The following CREBBP variants were observed in gnomAD, a reference collection of about 807,000 sequenced individuals.
The protein encoded by CREBBP is CREB binding lysine acetyltransferase, also known as CREB-binding protein.
In CREBBP, 19 loss-of-function variants were observed where a neutral mutation model predicts 265.0. The ratio of observed to expected loss-of-function variants is 0.07; its 90% CI spans 0.05 to 0.11. The LOEUF is 0.11. CREBBP is among the 10% of genes least tolerant of loss of function. CREBBP has a pLI of 1.00. For synonymous variants in CREBBP, 1,457 were observed against 1,223.7 expected (o/e 1.19, Z -3.98); for missense variants, 2,525 against 3,219.0 (o/e 0.78, Z 5.22).
chr16:3,807,975 G>A lies in CREBBP; in HGVS notation c.975+2628C>T, dbSNP rs575051238. Among the ~76,000 whole-genome samples, 5 of 152,280 alleles carry A rather than the reference G, an allele frequency of 3.3e-5. No homozygotes were observed. In the South Asian group the frequency reaches 1.0e-3, roughly 32 times the overall value. On this transcript the variant is annotated intron_variant, in intron 3 of 30. Coordinates refer to ENST00000262367, the MANE Select transcript of CREBBP (RefSeq NM_004380.3). ...ACCCCCAACAGGCATTTGTGGATCT[G>A]TCTCAAAGTCCACAGGGGTTCTTGT...
Position 3,770,851 on chromosome 16 carries a change from G to A in CREBBP, c.2599C>T (p.Pro867Ser), listed in dbSNP as rs2141203018. Residue 867 changes from proline (P) to serine (S), a missense_variant, in exon 14 of 31, where the codon CCA becomes TCA. Coordinates refer to ENST00000262367, the MANE Select transcript of CREBBP (RefSeq NM_004380.3). ...PPPASTAAGM[P>S]SLQHTTPPGM... Reference sequence around the variant, plus strand: ...GGTGGTGTCGTGTGCTGGAGAGATGGCATGCCAGCAGCCGTGGAAGCAGGA... The same window carrying A: ...GGTGGTGTCGTGTGCTGGAGAGATGACATGCCAGCAGCCGTGGAAGCAGGA... The A allele has an allele frequency of 6.2e-7, 1 of 1,613,976 alleles. No homozygotes were observed.
chr16:3,876,225 A>T (rs182379985), intron 1 of CREBBP, among the ~76,000 whole-genome samples: 34 of 152,052 alleles, frequency 2.2e-4, no homozygotes, highest in Admixed American at 2.0e-3. Context: ...TTTTTTGTTT[A>T]GATGGGGTCT....
chr16:3,849,480 TGTGTGTGTGA>T (rs2054777645), intron 2 of CREBBP, among the ~76,000 whole-genome samples: 4 of 122,476 alleles, frequency 3.3e-5, no homozygotes, highest in Admixed American at 9.1e-5. Flanking sequence ...TGTGTGTGTG[TGTGTGTGTGA>T]TGTGCGTGAC....
At chr16:3,758,168 CA>C in intron 17 of CREBBP, 120 bp from the exon 18 acceptor site, 1 of 1,034,816 alleles carries the variant, frequency 9.7e-7, no homozygotes, top group Non-Finnish European at 1.4e-6. Context: ...CTTCCATTCC[CA>C]ACAGTAAGAA....
At chr16:3,776,891 G>A (rs1422810104) in intron 11 of CREBBP, among the ~76,000 whole-genome samples, 1 of 152,006 alleles carries the variant, frequency 6.6e-6, no homozygotes, top group African/African-American at 2.4e-5. Context: ...GGTGGCAGGT[G>A]CCTGTAGTCT....
chr16:3,745,812 C>CA (rs1380824734), intron 21 of CREBBP, among the ~76,000 whole-genome samples: 1 of 152,200 alleles, frequency 6.6e-6, no homozygotes, highest in African/African-American at 2.4e-5. Flanking sequence ...TAATGGGAAA[C>CA]ACGGCCAGTT....
At chr16:3,762,586 C>T (rs891204352) in intron 16 of CREBBP, among the ~76,000 whole-genome samples, 1 of 152,088 alleles carries the variant, frequency 6.6e-6, no homozygotes, top group Non-Finnish European at 1.5e-5. Context: ...CCGCTCCCCT[C>T]CTCTGGCCCG....
chr16:3,846,195 G>T (rs1172581203), intron 2 of CREBBP, among the ~76,000 whole-genome samples: 2 of 152,066 alleles, frequency 1.3e-5, no homozygotes, highest in African/African-American at 2.4e-5. Context: ...AGAGACAAAT[G>T]GACAAAGATT....
rs548138952 is a variant in CREBBP, at chr16:3,733,259, G to A, written c.4729-1322C>T. On this transcript the variant is annotated intron_variant, in intron 28 of 30. Coordinates refer to ENST00000262367, the MANE Select transcript of CREBBP (RefSeq NM_004380.3). ...TGCCTGCAGTCCCACCTACTCGGGA[G>A]GCTGAGGCAGGAGAATGGTGTGAAC... Among the ~76,000 whole-genome samples the A allele has an allele frequency of 3.9e-5, 6 of 151,932 alleles. No homozygotes were observed. In the South Asian group the frequency reaches 6.2e-4, roughly 16 times the overall value.
Position 3,739,606 on chromosome 16 carries a change from C to T in CREBBP, c.4252G>A (p.Gly1418Ser), listed in dbSNP as rs369991761. 39 of 1,614,074 alleles carry T rather than the reference C, an allele frequency of 2.4e-5. No individual in the cohort carries two copies. The highest frequency in any genetic ancestry group is 6.7e-5 in the East Asian group (3 of 44,900). Residue 1418 changes from glycine (G) to serine (S), a missense_variant, in exon 25 of 31, where the codon GGC (glycine) becomes AGC (serine). This residue lies in a region of CREBBP where 252 missense variants were observed against 452.5 expected (regional missense o/e 0.56). Transcript: ENST00000262367. ...CFFGMHVQEYGSDCPPPNTRR... is the reference protein window; with the variant it reads ...CFFGMHVQEYSSDCPPPNTRR... ...GTGTTTGGAGGGGGGCAATCAGAGC[C>T]GTATTCTTGGACGTGCATTCCAAAA...
At position 3,737,773 on chromosome 16, in the gene CREBBP, C is replaced by T. The variant is rs2052103666; in HGVS notation, c.4394+786G>A. On this transcript the variant is annotated intron_variant, in intron 26 of 30. Coordinates refer to ENST00000262367, the MANE Select transcript of CREBBP (RefSeq NM_004380.3). ...TGAGCCAATTTTTTTTTGTATTTTT[C>T]TTTTTTTCTTTTCTTTCTTTTTTCT... 1.3e-5 allele frequency among the ~76,000 whole-genome samples: 2 copies of T among 150,472 alleles called. 1 individual carries two copies. Among genetic ancestry groups the T allele is most frequent in the South Asian group, 4.2e-4 (2 of 4,758 alleles).
Position 3,791,919 on chromosome 16 carries a change from A to G in CREBBP, c.1330+62T>C, listed in dbSNP as rs1858083286. 15 of 1,421,708 alleles carry G rather than the reference A, an allele frequency of 1.1e-5. No homozygotes were observed. In the South Asian group the frequency reaches 1.7e-4, roughly 16 times the overall value. 88.1% of individuals were successfully genotyped at this position (1,421,708 alleles called of 1,614,324 possible). On this transcript the variant is annotated intron_variant, in intron 5 of 30. Coordinates refer to ENST00000262367, the MANE Select transcript of CREBBP (RefSeq NM_004380.3). ...TGCCCACTCCCTACCTACTCTCTGA[A>G]TTTTCTTTAGAAACAACTTCTATTC... is the stretch of plus-strand genomic sequence containing the variant.
At position 3,727,360 on chromosome 16, in the gene CREBBP, A is replaced by G. The variant is rs1226748613; in HGVS notation, c.*358T>C. On this transcript the variant is annotated 3_prime_UTR_variant, in exon 31 of 31. Coordinates refer to ENST00000262367, the MANE Select transcript of CREBBP (RefSeq NM_004380.3). ...TGTTTAAAGTCTTGAAAATACAAATAAAAAATATGAATATAATGAACTTGT... is the reference window on the plus strand; with the variant it reads ...TGTTTAAAGTCTTGAAAATACAAATGAAAAATATGAATATAATGAACTTGT... The G allele has an allele frequency of 7.4e-6, 2 of 271,156 alleles. No individual in the cohort carries two copies. The highest frequency in any genetic ancestry group is 1.4e-5 in the Non-Finnish European group (2 of 141,620). 16.8% of individuals were successfully genotyped at this position (271,156 alleles called of 1,614,324 possible).
At chr16:3,749,817 G>C in intron 20 of CREBBP, 134 bp from the exon 21 acceptor site, 1 of 629,256 alleles carries the variant, frequency 1.6e-6, no homozygotes, top group Non-Finnish European at 2.8e-6. Context: ...AAAATCTCAA[G>C]TACATGTAAT....
intron 2 of CREBBP, among the ~76,000 whole-genome samples, chr16:3,817,821 G>C (rs1000582760): frequency 1.4e-4 from 21 of 152,128 alleles, no homozygotes; most frequent in Non-Finnish European, 2.8e-4. Flanking sequence ...GGCAGGGGAG[G>C]GAGCATTTGG....
intron 3 of CREBBP, among the ~76,000 whole-genome samples, chr16:3,807,323 T>A (rs931172678): frequency 5.9e-5 from 9 of 152,166 alleles, no homozygotes; most frequent in African/African-American, 2.2e-4. Context: ...ACCAGGTGAT[T>A]TGGCACTGGA....
At chr16:3,790,178 A>T (rs2053473963) in intron 5 of CREBBP, among the ~76,000 whole-genome samples, 1 of 152,176 alleles carries the variant, frequency 6.6e-6, no homozygotes, top group Non-Finnish European at 1.5e-5. Flanking sequence ...TACTAAAGAA[A>T]AAACTTTTAC....
At chr16:3,831,057 G>C (rs2054333941) in intron 2 of CREBBP, among the ~76,000 whole-genome samples, 1 of 152,202 alleles carries the variant, frequency 6.6e-6, no homozygotes, top group Non-Finnish European at 1.5e-5. Flanking sequence ...TGGGATTACA[G>C]GCATGAGACA....
At chr16:3,762,747 A>AATTAC (rs2052752930) in intron 16 of CREBBP, among the ~76,000 whole-genome samples, 2 of 151,976 alleles carry the variant, frequency 1.3e-5, no homozygotes, top group African/African-American at 4.8e-5. Flanking sequence ...TACAAAAAAT[A>AATTAC]AAAAACTCAG....
Sources: allele counts gnomAD v4.1 joint callset (sites outside exome capture counted in the v4.1 genomes callset), GRCh38; gene constraint gnomAD v4.1.1; regional missense constraint gnomAD v4.1.1; transcripts MANE v1.5; gene names NCBI Gene and HGNC (gene_info 2026-07-23, HGNC 2026-07-21).